The following ANKRD34B variants were observed in gnomAD, a reference collection of about 807,000 sequenced individuals.
ANKRD34B encodes ankyrin repeat domain-containing protein 34B.
In ANKRD34B, 2 loss-of-function variants were observed where a neutral mutation model predicts 4.4. The observed-to-expected ratio is 0.46, with a 90% confidence interval of 0.19 to 1.44. ANKRD34B has a LOEUF of 1.44. Ranked by LOEUF, ANKRD34B falls within the 40% of genes most tolerant of loss-of-function variation. The pLI is 0.26. For missense variants in ANKRD34B, 558 were observed against 604.7 expected, an observed-to-expected ratio of 0.92 and a Z score of 0.81; for synonymous variants, 226 against 227.1, an observed-to-expected ratio of 0.99 and a Z score of 0.05.
At chr5:80,564,573 C>A (rs959591908) in intron 3 of ANKRD34B, 2 of 152,202 alleles carry the variant, frequency 1.3e-5, no homozygotes, top group African/African-American at 4.8e-5. Context: ...GCTGCCTAAT[C>A]CACCTGCAAT....
chr5:80,568,925 C>CACAGAGAGAGAGAGAGAGAGAGAG, intron 2 of ANKRD34B, 35 bp downstream of exon 2: 1 of 49,850 alleles, frequency 2.0e-5, no homozygotes, highest in Non-Finnish European at 3.9e-5. Context: ...CACACACACA[C>CACAGAGAGAGAGAGAGAGAGAGAG]AGAGAGAGAG....
intron 2 of ANKRD34B, among the ~76,000 whole-genome samples, chr5:80,567,013 G>A (rs1746587756): frequency 6.6e-6 from 1 of 152,178 alleles, no homozygotes; most frequent in Non-Finnish European, 1.5e-5. Flanking sequence ...GGGGTTGGAA[G>A]GGCCTCGGCA....
chr5:80,561,389 G>A (rs1455365169), intron 4 of ANKRD34B, among the ~76,000 whole-genome samples: 1 of 152,022 alleles, frequency 6.6e-6, no homozygotes, highest in Non-Finnish European at 1.5e-5. Flanking sequence ...TTAAAATTAA[G>A]ATTATGGGAA....
chr5:80,562,534 C>G (rs1746434842), intron 4 of ANKRD34B, among the ~76,000 whole-genome samples: 2 of 152,364 alleles, frequency 1.3e-5, no homozygotes, highest in South Asian at 4.1e-4. Context: ...GTCCCACAGC[C>G]TGCTTCCCCA....
At chr5:80,560,176 A>G in intron 4 of ANKRD34B, 134 bp from the exon 5 acceptor site, 1 of 532,764 alleles carries the variant, frequency 1.9e-6, no homozygotes, top group Non-Finnish European at 3.3e-6. Context: ...AATGCAGAAC[A>G]AAATAGTGAA....
At position 80,558,299 on chromosome 5, in the gene ANKRD34B, T is replaced by C. The variant is rs1746306353; in HGVS notation, c.*176A>G. On this transcript the variant is annotated 3_prime_UTR_variant, in exon 5 of 5. Coordinates refer to ENST00000338682, the MANE Select transcript of ANKRD34B (RefSeq NM_001004441.3). ...GAGAGAATTCCCTTAACAGAAACTA[T>C]GTATTATTTTTTATGCTCATGACGC... 2 of 508,274 alleles carry C rather than the reference T, an allele frequency of 3.9e-6. No homozygotes were observed. Among genetic ancestry groups the C allele is most frequent in the Non-Finnish European group, 6.7e-6 (2 of 299,022 alleles). The allele number at this position is 508,274 out of a possible 1,614,324, so 31.5% of individuals were successfully genotyped here. A position where few individuals can be genotyped will look rare whatever the true frequency, so the allele number is the denominator to read the frequency against.
At position 80,558,100 on chromosome 5, in the gene ANKRD34B, A is replaced by G. The variant is rs1240566094; in HGVS notation, c.*375T>C. ...TTTATTAACATGAAATGTTAAAAAA[A>G]TTATTGACTTGAAAACTGTTTCCTA... On this transcript the variant is annotated 3_prime_UTR_variant, in exon 5 of 5. Transcript: ENST00000338682. 1 of 156,216 alleles carries G rather than the reference A, an allele frequency of 6.4e-6. No individual in the cohort carries two copies. The highest frequency in any genetic ancestry group is 1.4e-5 in the Non-Finnish European group (1 of 70,806). The allele number at this position is 156,216 out of a possible 1,614,324, so 9.7% of individuals were successfully genotyped here. A position where few individuals can be genotyped will look rare whatever the true frequency, so the allele number is the denominator to read the frequency against.
intron 2 of ANKRD34B, among the ~76,000 whole-genome samples, chr5:80,567,294 T>A (rs996693399): frequency 6.6e-6 from 1 of 151,940 alleles, no homozygotes; most frequent in Non-Finnish European, 1.5e-5. Flanking sequence ...TGGCTTTTTG[T>A]CCCCATGCCA....
At chr5:80,568,923 C>CAGAGAGAGAGAGAGAG (rs1465629441) in intron 2 of ANKRD34B, 37 bp downstream of exon 2, 1 of 40,388 alleles carries the variant, frequency 2.5e-5, no homozygotes, top group Admixed American at 3.9e-4. Context: ...CACACACACA[C>CAGAGAGAGAGAGAGAG]ACAGAGAGAG....
At chr5:80,565,151 G>T (rs1746527926) in intron 3 of ANKRD34B, among the ~76,000 whole-genome samples, 2 of 152,158 alleles carry the variant, frequency 1.3e-5, no homozygotes, top group Non-Finnish European at 2.9e-5. Flanking sequence ...CTGAATGGAA[G>T]AATCCCCTTC....
intron 3 of ANKRD34B, 92 bp downstream of exon 3, chr5:80,566,597 A>G (rs956505853): frequency 3.3e-5 from 5 of 152,634 alleles, no homozygotes; most frequent in African/African-American, 1.2e-4. Flanking sequence ...GATGAGCCCT[A>G]TTAAAAATAT....
At chr5:80,561,196 A>T (rs1228881179) in intron 4 of ANKRD34B, among the ~76,000 whole-genome samples, 1 of 152,192 alleles carries the variant, frequency 6.6e-6, no homozygotes, top group African/African-American at 2.4e-5. Flanking sequence ...CCTTCAACAG[A>T]TAATTCCATT....
Position 80,558,987 on chromosome 5 carries a change from C to A in ANKRD34B, c.1033G>T (p.Asp345Tyr). 1 of 1,614,174 alleles carries A rather than the reference C, an allele frequency of 6.2e-7. No homozygotes were observed. The highest frequency in any genetic ancestry group is 8.5e-7 in the Non-Finnish European group (1 of 1,180,034). Residue 345 changes from aspartate to tyrosine, a missense_variant, in exon 5 of 5, where the codon GAT (aspartate) becomes TAT (tyrosine). Coordinates refer to ENST00000338682, the MANE Select transcript of ANKRD34B (RefSeq NM_001004441.3). ...CIEVPVDQDP[D>Y]SNQTIFASTL... ...GAAGCAAATATTGTCTGGTTAGAATCTGGGTCCTGGTCAACAGGGACTTCA... is the reference window on the plus strand; with the variant it reads ...GAAGCAAATATTGTCTGGTTAGAATATGGGTCCTGGTCAACAGGGACTTCA...
intron 3 of ANKRD34B, among the ~76,000 whole-genome samples, chr5:80,564,988 C>T (rs559402266): frequency 6.6e-5 from 10 of 152,172 alleles, no homozygotes; most frequent in South Asian, 2.1e-4. Flanking sequence ...TACAGGCGTG[C>T]GCCACTGCGC....
rs771330677 is a variant in ANKRD34B, at chr5:80,559,782, G to A, written c.238C>T (p.Gln80Ter). 3.1e-6 allele frequency: 5 copies of A among 1,614,090 alleles called. No individual in the cohort carries two copies. The highest frequency in any genetic ancestry group is 1.3e-5 in the African/African-American group (1 of 74,930). Residue 80 changes from glutamine (Q) to a stop codon, truncating the protein, a stop_gained, in exon 5 of 5, where the codon CAG becomes TAG. Coordinates refer to ENST00000338682, the MANE Select transcript of ANKRD34B (RefSeq NM_001004441.3). LOFTEE classifies it low-confidence loss of function (END_TRUNC). ...LLENNADPNI[Q>*]DKSGKTALMH... Reference sequence around the variant, plus strand: ...AGAGCCGTTTTCCCAGATTTGTCCTGTATGTTGGGATCGGCATTGTTCTCT... The same window carrying A: ...AGAGCCGTTTTCCCAGATTTGTCCTATATGTTGGGATCGGCATTGTTCTCT...
intron 2 of ANKRD34B, among the ~76,000 whole-genome samples, chr5:80,568,434 TC>T (rs1269105639): frequency 6.6e-6 from 1 of 152,012 alleles, no homozygotes. Context: ...AGCTCACAGG[TC>T]CCAGAGAAGA....
At chr5:80,562,050 A>AGTGTGTGT (rs1746418489) in intron 4 of ANKRD34B, among the ~76,000 whole-genome samples, 1 of 98,632 alleles carries the variant, frequency 1.0e-5, no homozygotes, top group African/African-American at 3.9e-5. Flanking sequence ...TAACTGACTC[A>AGTGTGTGT]GCGTGTGTGT....
chr5:80,567,005 G>T (rs1173241951), intron 2 of ANKRD34B, among the ~76,000 whole-genome samples: 2 of 152,174 alleles, frequency 1.3e-5, no homozygotes, highest in African/African-American at 4.8e-5. Flanking sequence ...GGACTGCTGG[G>T]GTTGGAAGGG....
chr5:80,564,840 G>C (rs577886417), intron 3 of ANKRD34B, among the ~76,000 whole-genome samples: 1 of 151,748 alleles, frequency 6.6e-6, no homozygotes, highest in Non-Finnish European at 1.5e-5. Flanking sequence ...GGAGTAGCTG[G>C]GATTACAGGT....
Sources: allele counts gnomAD v4.1 joint callset (sites outside exome capture counted in the v4.1 genomes callset), GRCh38; gene constraint gnomAD v4.1.1; transcripts MANE v1.5; gene names NCBI Gene and HGNC (gene_info 2026-07-23, HGNC 2026-07-21).